BCAS3: variants seen among roughly 807,000 people sequenced by gnomAD.
BCAS3 encodes the protein BCAS3 microtubule associated cell migration factor.
BCAS3 carries 53 observed loss-of-function variants against 116.1 expected under a neutral mutation model. The observed-to-expected ratio is 0.46, with a 90% CI of 0.37 to 0.57. The LOEUF is 0.57. Ranked by LOEUF, BCAS3 falls within the 20% of genes least tolerant of loss-of-function variation. BCAS3 has a pLI of 0.00. For missense variants in BCAS3, 917 were observed against 1,165.4 expected, an observed-to-expected ratio of 0.79 and a Z score of 3.10; for synonymous variants, 391 against 408.2, an observed-to-expected ratio of 0.96 and a Z score of 0.51.
chr17:61,270,282 G>A (rs2050135020), intron 22 of BCAS3, among the ~76,000 whole-genome samples: 1 of 151,454 alleles, frequency 6.6e-6, no homozygotes, highest in Non-Finnish European at 1.5e-5. Flanking sequence ...ACCGCGCCTG[G>A]CTAATTTTTG....
chr17:61,377,040 G>A lies in BCAS3; in HGVS notation c.2593+8546G>A, dbSNP rs965925976. Among the ~76,000 whole-genome samples the A allele has an allele frequency of 5.9e-5, 9 of 152,210 alleles. No homozygotes were observed. The highest frequency in any genetic ancestry group is 2.2e-4 in the African/African-American group (9 of 41,452). Reference sequence around the variant, plus strand: ...CCAGAGGAGGCCACAATACTGAACGGTGGGTCTGTTTCTCTCTGACTTCTA... The same window carrying A: ...CCAGAGGAGGCCACAATACTGAACGATGGGTCTGTTTCTCTCTGACTTCTA... On this transcript the variant is annotated intron_variant, in intron 23 of 23. Coordinates refer to ENST00000407086, the MANE Select transcript of BCAS3 (RefSeq NM_017679.5). This position sits in a 1 kb window ranked among gnomAD's most constrained non-coding sequence, Gnocchi z 4.6.
intron 22 of BCAS3, among the ~76,000 whole-genome samples, chr17:61,137,522 A>C (rs2143914414): frequency 6.6e-6 from 1 of 152,064 alleles, no homozygotes; most frequent in Middle Eastern, 3.4e-3. Context: ...TAATCCCAGC[A>C]CTTTGGGAGG....
intron 6 of BCAS3, among the ~76,000 whole-genome samples, chr17:60,764,583 T>G (rs1219648369): frequency 6.6e-6 from 1 of 152,208 alleles, no homozygotes; most frequent in Non-Finnish European, 1.5e-5. Flanking sequence ...ATTTCTGTTC[T>G]TCTATATTTG....
chr17:61,067,726 C>CAAAAA (rs377228440), intron 19 of BCAS3, among the ~76,000 whole-genome samples: 59 of 108,896 alleles, frequency 5.4e-4, no homozygotes, highest in Non-Finnish European at 7.2e-4. Flanking sequence ...AACAAACAAA[C>CAAAAA]AAAAAAAAAA....
intron 7 of BCAS3, among the ~76,000 whole-genome samples, chr17:60,814,459 G>T (rs2049180591): frequency 6.6e-6 from 1 of 151,844 alleles, no homozygotes; most frequent in African/African-American, 2.4e-5. Context: ...AAGCCTTTTG[G>T]TGGAGTCTTT....
chr17:61,138,122 C>T (rs558570482), intron 22 of BCAS3, among the ~76,000 whole-genome samples: 22 of 152,232 alleles, frequency 1.4e-4, no homozygotes, highest in Non-Finnish European at 2.1e-4. Flanking sequence ...GGAAATGTGG[C>T]GTATCTGTGC....
chr17:61,275,719 G>T (rs1261732794), intron 22 of BCAS3, among the ~76,000 whole-genome samples: 1 of 152,210 alleles, frequency 6.6e-6, no homozygotes, highest in Non-Finnish European at 1.5e-5. Context: ...ACTATCTCAT[G>T]AGAGCTGGAA....
chr17:60,974,955 A>G (rs73322756), intron 14 of BCAS3, among the ~76,000 whole-genome samples: 10,392 of 149,320 alleles, frequency 0.07, 1,075 homozygotes, highest in African/African-American at 0.23. Flanking sequence ...TTTTACCCAT[A>G]TTATATTCAA....
At chr17:61,166,385 CTCTCTCTT>C (rs2078495254) in intron 22 of BCAS3, among the ~76,000 whole-genome samples, 1 of 77,328 alleles carries the variant, frequency 1.3e-5, no homozygotes, top group Admixed American at 1.8e-4. Flanking sequence ...CTCTCTCTCT[CTCTCTCTT>C]TTTTTTTTTT....
intron 22 of BCAS3, among the ~76,000 whole-genome samples, chr17:61,148,395 T>C (rs2077361640): frequency 6.6e-6 from 1 of 152,200 alleles, no homozygotes; most frequent in South Asian, 2.1e-4. Context: ...AACCACTTCA[T>C]GGAACATTCA....
chr17:60,880,657 A>G (rs73320637), intron 9 of BCAS3, among the ~76,000 whole-genome samples: 12 of 152,134 alleles, frequency 7.9e-5, no homozygotes, highest in African/African-American at 2.9e-4. Flanking sequence ...GCTGTTGTAG[A>G]TAATGCTTGT....
At chr17:60,693,417 A>G (rs1175805635) in intron 4 of BCAS3, among the ~76,000 whole-genome samples, 2 of 146,848 alleles carry the variant, frequency 1.4e-5, no homozygotes, top group Admixed American at 6.9e-5. Context: ...CAGTTTTTGT[A>G]TTTTTTTTTT....
At chr17:60,722,105 T>C (rs1057487204) in intron 5 of BCAS3, among the ~76,000 whole-genome samples, 1 of 152,204 alleles carries the variant, frequency 6.6e-6, no homozygotes, top group African/African-American at 2.4e-5. Flanking sequence ...ATTATATGAC[T>C]GATAGACATT....
Position 60,776,593 on chromosome 17 carries a change from C to T in BCAS3, c.403+29314C>T, listed in dbSNP as rs188921489. On this transcript the variant is annotated intron_variant, in intron 6 of 23. Coordinates refer to ENST00000407086, the MANE Select transcript of BCAS3 (RefSeq NM_017679.5). ...AATTAGCCAGGCATGGTGGCGTGCA[C>T]CTGTAATCCCAGCTACTCAGGAGGC... 4.1e-4 allele frequency among the ~76,000 whole-genome samples: 62 copies of T among 152,006 alleles called. No individual in the cohort carries two copies. The East Asian group carries it at 0.012, about 28-fold the overall frequency.
Position 61,224,703 on chromosome 17 carries a change from C to T in BCAS3, c.2425+140139C>T, listed in dbSNP as rs141895072. ...ATCTCTCTACTTCAGTTTCTTGGTCCGTGAAAACTAACAGGTGAAATGAAT... is the reference window on the plus strand; with the variant it reads ...ATCTCTCTACTTCAGTTTCTTGGTCTGTGAAAACTAACAGGTGAAATGAAT... On this transcript the variant is annotated intron_variant, in intron 22 of 23. Transcript: ENST00000407086. This position sits in a 1 kb window ranked among gnomAD's most constrained non-coding sequence, Gnocchi z 5.7. 9.2e-5 allele frequency among the ~76,000 whole-genome samples: 14 copies of T among 152,208 alleles called. No homozygotes were observed. The East Asian group carries it at 2.5e-3, about 27-fold the overall frequency.
intron 18 of BCAS3, among the ~76,000 whole-genome samples, chr17:61,039,544 T>A (rs186813612): frequency 3.3e-5 from 5 of 152,158 alleles, no homozygotes; most frequent in African/African-American, 4.8e-5. Flanking sequence ...TACCTCAGCC[T>A]CCTGAGTAGC....
chr17:61,338,798 C>G (rs898208896), intron 22 of BCAS3, among the ~76,000 whole-genome samples: 7 of 150,136 alleles, frequency 4.7e-5, no homozygotes, highest in Admixed American at 4.0e-4. Flanking sequence ...ACATTTTCCC[C>G]TGTGACACTG....
chr17:61,093,669 A>G (rs555994357), intron 22 of BCAS3, among the ~76,000 whole-genome samples: 91 of 152,340 alleles, frequency 6.0e-4, no homozygotes, highest in Non-Finnish European at 1.0e-3. Flanking sequence ...ATTGTTTATC[A>G]AAAAGATACG....
rs188522579 is a variant in BCAS3 at position 61,126,591 on chromosome 17, T to C, written c.2425+42027T>C. The stretch of plus-strand genomic sequence containing the variant: ...TGAAAGATTGCAGAAGTTGAACCAC[T>C]AGTTTTGAAAGTTGAGCCAGACCAG... On this transcript the variant is annotated intron_variant, in intron 22 of 23. Transcript: ENST00000407086. The surrounding 1 kb of genome is among the most constrained non-coding windows in gnomAD (Gnocchi z 4.6). 4.1e-4 allele frequency among the ~76,000 whole-genome samples: 63 copies of C among 152,322 alleles called. No homozygotes were observed. Among genetic ancestry groups the C allele is most frequent in the Admixed American group, 4.1e-3 (63 of 15,302 alleles).
Sources: gnomAD v4.1 joint callset for allele counts (sites outside exome capture counted in the v4.1 genomes callset) on GRCh38, gnomAD v4.1.1 for gene constraint, Gnocchi (gnomAD v3.1) non-coding constraint, MANE v1.5 for transcripts, NCBI Gene and HGNC (gene_info 2026-07-23, HGNC 2026-07-21) for gene names.